DNAAF9: variants seen among roughly 807,000 people sequenced by gnomAD.
The protein encoded by DNAAF9 is shulin.
DNAAF9 carries 90 observed loss-of-function variants against 167.0 expected under a neutral mutation model. That is an observed-to-expected ratio of 0.54 (90% CI 0.45 to 0.64). The LOEUF (loss-of-function observed/expected upper bound fraction) is 0.64, where lower values mean the gene tolerates loss of function less well. DNAAF9 is among the 30% of genes least tolerant of loss of function. DNAAF9 has a pLI of 0.00. For missense variants in DNAAF9, 1,315 were observed against 1,442.2 expected, an observed-to-expected ratio of 0.91 and a Z score of 1.43; for synonymous variants, 491 against 508.8, an observed-to-expected ratio of 0.96 and a Z score of 0.47.
intron 29 of DNAAF9, 115 bp from the exon 30 acceptor site, chr20:3,270,677 T>TG: frequency 1.2e-6 from 1 of 812,790 alleles, no homozygotes; most frequent in Non-Finnish European, 2.0e-6. Flanking sequence ...AGTCTCCTGA[T>TG]GGAGACAACC....
intron 35 of DNAAF9, among the ~76,000 whole-genome samples, chr20:3,254,072 C>A (rs903148104): frequency 1.3e-5 from 2 of 152,016 alleles, no homozygotes; most frequent in Non-Finnish European, 2.9e-5. Flanking sequence ...CAAACACACT[C>A]TTTTATTTAT....
chr20:3,375,508 G>A (rs1158365329), intron 4 of DNAAF9, among the ~76,000 whole-genome samples: 1 of 152,018 alleles, frequency 6.6e-6, no homozygotes, highest in East Asian at 1.9e-4. Context: ...AGGGCCCAAA[G>A]GGAAAGAAAA....
At chr20:3,359,633 T>A in intron 6 of DNAAF9, 40 bp from the exon 7 acceptor site, 1 of 1,341,224 alleles carries the variant, frequency 7.5e-7, no homozygotes, top group Non-Finnish European at 1.1e-6. Context: ...ATTAAGTCAA[T>A]ATCATTAGGA....
At chr20:3,294,682 A>C in intron 23 of DNAAF9, 53 bp from the exon 24 acceptor site, 1 of 1,123,188 alleles carries the variant, frequency 8.9e-7, no homozygotes, top group Non-Finnish European at 1.4e-6. Context: ...CAGCATATAC[A>C]CTTTACACAA....
chr20:3,374,882 T>A, intron 5 of DNAAF9, 148 bp downstream of exon 5: 1 of 630,138 alleles, frequency 1.6e-6, no homozygotes. Context: ...CACAGAAAAG[T>A]CCCCATACTT....
chr20:3,369,673 G>C (rs181714068), intron 6 of DNAAF9, among the ~76,000 whole-genome samples: 316 of 152,160 alleles, frequency 2.1e-3, no homozygotes, highest in African/African-American at 6.8e-3. Flanking sequence ...CACCAAGCCC[G>C]GCCTAAAGTT....
chr20:3,297,360 A>G (rs1367981155), intron 22 of DNAAF9, among the ~76,000 whole-genome samples: 1 of 152,154 alleles, frequency 6.6e-6, no homozygotes, highest in Non-Finnish European at 1.5e-5. Context: ...AAGGAGGTAA[A>G]AAGGTCCAGC....
intron 6 of DNAAF9, among the ~76,000 whole-genome samples, chr20:3,369,858 A>G (rs1323051443): frequency 6.6e-6 from 1 of 151,968 alleles, no homozygotes; most frequent in Non-Finnish European, 1.5e-5. Flanking sequence ...TACAACATTC[A>G]CTTGTCCTAT....
chr20:3,314,435 A>C (rs2069467552), intron 20 of DNAAF9, among the ~76,000 whole-genome samples: 1 of 152,160 alleles, frequency 6.6e-6, no homozygotes, highest in African/African-American at 2.4e-5. Flanking sequence ...TCACAAGAGC[A>C]AGGACTTCTG....
At chr20:3,357,654 T>C (rs547984953) in intron 7 of DNAAF9, among the ~76,000 whole-genome samples, 4 of 152,256 alleles carry the variant, frequency 2.6e-5, no homozygotes, top group Non-Finnish European at 5.9e-5. Context: ...GTTCATTTCA[T>C]TTTGTATTGT....
At chr20:3,325,052 T>C in intron 13 of DNAAF9, 84 bp from the exon 14 acceptor site, 1 of 804,718 alleles carries the variant, frequency 1.2e-6, no homozygotes, top group Non-Finnish European at 2.3e-6. Context: ...CTCCTAACAC[T>C]TGTCCAGGAT....
At chr20:3,267,961 T>C (rs1203515565) in intron 30 of DNAAF9, among the ~76,000 whole-genome samples, 1 of 152,200 alleles carries the variant, frequency 6.6e-6, no homozygotes, top group Non-Finnish European at 1.5e-5. Context: ...GTTCAAAAGT[T>C]ACTTGAATTA....
chr20:3,375,146 G>GA lies in DNAAF9; in HGVS notation c.409-21dup. The GA allele has an allele frequency of 1.4e-6, 2 of 1,402,174 alleles. No homozygotes were observed. Among genetic ancestry groups the GA allele is most frequent in the Non-Finnish European group, 1.0e-6 (1 of 989,392 alleles). 86.9% of individuals were successfully genotyped at this position (1,402,174 alleles called of 1,614,324 possible). A position where few individuals can be genotyped will look rare whatever the true frequency, so the allele number is the denominator to read the frequency against. Reference sequence around the variant, plus strand: ...TTCATACTGAAGAGACAAATCAAAAGAAAAATAAGCTCTGATGAGATATCA... The same window carrying GA: ...TTCATACTGAAGAGACAAATCAAAAGAAAAAATAAGCTCTGATGAGATATCA... On this transcript the variant is annotated intron_variant, in intron 4 of 36. Coordinates refer to ENST00000252032, the MANE Select transcript of DNAAF9 (RefSeq NM_001009984.3).
chr20:3,357,413 A>C (rs1282656304), intron 7 of DNAAF9, among the ~76,000 whole-genome samples: 8 of 152,118 alleles, frequency 5.3e-5, no homozygotes, highest in Non-Finnish European at 1.2e-4. Flanking sequence ...TGGAAGTTGC[A>C]GTGAGCCAAG....
intron 8 of DNAAF9, 89 bp from the exon 9 acceptor site, chr20:3,343,820 T>C (rs1447878812): frequency 1.2e-5 from 11 of 953,782 alleles, no homozygotes; most frequent in African/African-American, 8.1e-5. Context: ...TGTACACACA[T>C]GCTTCAGGAG....
At chr20:3,279,576 C>T (rs2122852929) in intron 28 of DNAAF9, among the ~76,000 whole-genome samples, 1 of 152,280 alleles carries the variant, frequency 6.6e-6, no homozygotes, top group African/African-American at 2.4e-5. Flanking sequence ...CATCATAAGG[C>T]CTGTCTCAAG....
At chr20:3,301,953 T>C (rs183926187) in intron 21 of DNAAF9, among the ~76,000 whole-genome samples, 9 of 152,100 alleles carry the variant, frequency 5.9e-5, no homozygotes, top group Admixed American at 3.9e-4. Context: ...TATATATGTA[T>C]ATATATTTTG....
chr20:3,289,691 TG>T (rs1267079847), intron 26 of DNAAF9, among the ~76,000 whole-genome samples: 1 of 152,058 alleles, frequency 6.6e-6, no homozygotes, highest in African/African-American at 2.4e-5. Context: ...GGCTAATTTT[TG>T]TATTTTTGTA....
At chr20:3,373,429 C>T (rs1358723725) in intron 6 of DNAAF9, among the ~76,000 whole-genome samples, 3 of 152,198 alleles carry the variant, frequency 2.0e-5, no homozygotes, top group Non-Finnish European at 4.4e-5. Flanking sequence ...TTAATCTGTA[C>T]TCTGGACCAC....
Sources: allele counts gnomAD v4.1 joint callset (sites outside exome capture counted in the v4.1 genomes callset), GRCh38; gene constraint gnomAD v4.1.1; transcripts MANE v1.5; gene names NCBI Gene and HGNC (gene_info 2026-07-23, HGNC 2026-07-21).